BRSK1: variants seen among roughly 807,000 people sequenced by gnomAD.
BRSK1 encodes the protein BR serine/threonine kinase 1.
Under a neutral mutation model 86.2 loss-of-function variants are expected in BRSK1, and 17 were observed. The ratio of observed to expected loss-of-function variants is 0.20; its 90% confidence interval spans 0.14 to 0.30. The LOEUF (loss-of-function observed/expected upper bound fraction) is 0.30. BRSK1 is among the 10% of genes least tolerant of loss of function. The pLI, the probability that BRSK1 is intolerant of heterozygous loss-of-function variation, is 1.00. For missense variants in BRSK1, 719 were observed against 1,071.9 expected, an observed-to-expected ratio of 0.67 and a Z score of 4.60; for synonymous variants, 464 against 440.1, an observed-to-expected ratio of 1.05 and a Z score of -0.68.
chr19:55,302,890 C>G lies in BRSK1; in HGVS notation c.1028+23C>G, dbSNP rs765722079. 6.2e-7 allele frequency: 1 copy of G among 1,600,368 alleles called. No individual in the cohort carries two copies. Among genetic ancestry groups the G allele is most frequent in the Admixed American group, 1.7e-5 (1 of 59,692 alleles). On this transcript the variant is annotated intron_variant, in intron 10 of 18. Coordinates refer to ENST00000309383, the MANE Select transcript of BRSK1 (RefSeq NM_032430.2). This position sits in a 1 kb window ranked among gnomAD's most constrained non-coding sequence, Gnocchi z 6.3. ...GGAGTAAGACCCCAAGACCCCTGCA[C>G]CCGTGTACCCACGTGGGGCGAGCTG... is the stretch of plus-strand genomic sequence containing the variant.
chr19:55,285,829 A>C (rs2088301821), intron 1 of BRSK1, among the ~76,000 whole-genome samples: 1 of 151,962 alleles, frequency 6.6e-6, no homozygotes, highest in African/African-American at 2.4e-5. Flanking sequence ...CGTAACTGGG[A>C]GCTGAGACCC....
Position 55,304,136 on chromosome 19 carries a change from TAAG to T in BRSK1, c.1347+30_1347+32del, listed in dbSNP as rs764955328. On this transcript the variant is annotated intron_variant, in intron 13 of 18. Coordinates refer to ENST00000309383, the MANE Select transcript of BRSK1 (RefSeq NM_032430.2). This position sits in a 1 kb window ranked among gnomAD's most constrained non-coding sequence, Gnocchi z 5.2. ...GTAAGGCCAGGTCCCCAGTGGGATT[TAAG>T]AAGGAGAAAGGGGTGGAGACATGGA... The T allele has an allele frequency of 6.2e-7, 1 of 1,605,204 alleles. No homozygotes were observed. The highest frequency in any genetic ancestry group is 8.5e-7 in the Non-Finnish European group (1 of 1,175,656).
chr19:55,296,613 G>A (rs879778269), intron 7 of BRSK1, among the ~76,000 whole-genome samples: 1 of 152,120 alleles, frequency 6.6e-6, no homozygotes, highest in Non-Finnish European at 1.5e-5. Context: ...TTGGGAGGCC[G>A]AGGTGGGCGG....
chr19:55,298,985 G>C (rs915204758), intron 7 of BRSK1, among the ~76,000 whole-genome samples: 5 of 152,132 alleles, frequency 3.3e-5, no homozygotes, highest in African/African-American at 1.2e-4. Flanking sequence ...TGTAATCCCA[G>C]CACTTTAGGA....
intron 16 of BRSK1, 75 bp downstream of exon 16, chr19:55,305,661 C>T: frequency 6.3e-7 from 1 of 1,598,862 alleles, no homozygotes; most frequent in Non-Finnish European, 8.5e-7. Flanking sequence ...GGCTAACCAC[C>T]TTAGCATAGG....
At chr19:55,289,744 A>G in intron 4 of BRSK1, 124 bp downstream of exon 4, 1 of 1,267,934 alleles carries the variant, frequency 7.9e-7, no homozygotes, top group Non-Finnish European at 1.1e-6. Flanking sequence ...CCATTGAGAC[A>G]TAACTCATAC....
intron 7 of BRSK1, among the ~76,000 whole-genome samples, chr19:55,298,296 C>T (rs1358069705): frequency 4.0e-5 from 5 of 126,366 alleles, no homozygotes; most frequent in Admixed American, 2.1e-4. Context: ...TGATCTTCTT[C>T]GCGGCAACCT....
intron 4 of BRSK1, 27 bp downstream of exon 4, chr19:55,289,647 G>A: frequency 6.2e-7 from 1 of 1,610,916 alleles, no homozygotes; most frequent in African/African-American, 1.3e-5. Context: ...AGGGGGAGGA[G>A]GGGCTGAGGG....
Position 55,306,188 on chromosome 19 carries a change from C to G in BRSK1, c.1891-64C>G. 6.4e-7 allele frequency: 1 copy of G among 1,551,766 alleles called. No homozygotes were observed. Among genetic ancestry groups the G allele is most frequent in the East Asian group, 2.3e-5 (1 of 44,052 alleles). ...GGGACTCGTAGTTCCTTGGCCAGAGCTGGTCGTGGGGCTGGGTATCCATTT... is the reference window on the plus strand; with the variant it reads ...GGGACTCGTAGTTCCTTGGCCAGAGGTGGTCGTGGGGCTGGGTATCCATTT... On this transcript the variant is annotated intron_variant, in intron 16 of 18. Transcript: ENST00000309383. The surrounding 1 kb of genome is among the most constrained non-coding windows in gnomAD (Gnocchi z 4.7).
In BRSK1 at chr19:55,294,169, G is replaced by A. The variant is rs2088450320; in HGVS notation, c.575+36G>A. Reference sequence around the variant, plus strand: ...ACTGGGCTCCCGAGACCCTGGGCAGGGGTTTAGAAGCTGGCTGGAGGCTCA... The same window carrying A: ...ACTGGGCTCCCGAGACCCTGGGCAGAGGTTTAGAAGCTGGCTGGAGGCTCA... On this transcript the variant is annotated intron_variant, in intron 5 of 18. Coordinates refer to ENST00000309383, the MANE Select transcript of BRSK1 (RefSeq NM_032430.2). This position sits in a 1 kb window ranked among gnomAD's most constrained non-coding sequence, Gnocchi z 4.9. 6.2e-7 allele frequency: 1 copy of A among 1,611,386 alleles called. No individual in the cohort carries two copies.
At chr19:55,301,403 G>A (rs527468617) in intron 7 of BRSK1, 109 bp from the exon 8 acceptor site, 2 of 1,358,878 alleles carry the variant, frequency 1.5e-6, no homozygotes, top group African/African-American at 2.9e-5. Context: ...GCCTCTCTGT[G>A]CCTCAGTTTC....
chr19:55,304,788 A>T lies in BRSK1; in HGVS notation c.1585A>T (p.Thr529Ser). The T allele has an allele frequency of 6.4e-7, 1 of 1,562,570 alleles. No individual in the cohort carries two copies. Among genetic ancestry groups the T allele is most frequent in the Admixed American group, 1.9e-5 (1 of 52,482 alleles). The change falls in exon 14 of 19, where the codon ACC (threonine) becomes TCC (serine). Residue 529 changes from threonine (T) to serine (S), a missense_variant. Thr to Ser is a moderately conservative substitution (Grantham distance 58, BLOSUM62 1). Around this residue, in one of 6 missense-constraint regions of BRSK1, gnomAD observed 143 missense variants for 120.1 expected, o/e 1.19. Transcript: ENST00000309383. This position sits in a 1 kb window ranked among gnomAD's most constrained non-coding sequence, Gnocchi z 5.2. Reference protein sequence around the residue: ...SPLHTPRASPTGTPGTTPPPS... With the variant: ...SPLHTPRASPSGTPGTTPPPS... ...TCTGCACACGCCCCGGGCCAGTCCC[A>T]CCGGGACCCCGGGGACAACACCACC...
rs1479825856 is a variant in BRSK1 at position 55,284,243 on chromosome 19, C to G, written c.-200C>G. The G allele has an allele frequency of 3.5e-5, 17 of 488,480 alleles. No homozygotes were observed. In the East Asian group the frequency reaches 5.6e-4, roughly 16 times the overall value. 30.3% of individuals were successfully genotyped at this position (488,480 alleles called of 1,614,324 possible). A position where few individuals can be genotyped will look rare whatever the true frequency, so the allele number is the denominator to read the frequency against. On this transcript the variant is annotated 5_prime_UTR_variant, in exon 1 of 19. Transcript: ENST00000309383. ...CCATGCTGACTCCCGGGGCCTGACC[C>G]CCCCGGGCCAGCCCCCCCTCCCCCA...
intron 7 of BRSK1, among the ~76,000 whole-genome samples, chr19:55,296,464 A>G (rs1454327286): frequency 6.6e-6 from 1 of 151,920 alleles, no homozygotes; most frequent in Non-Finnish European, 1.5e-5. Flanking sequence ...TTGGGAGGCC[A>G]AGGTGGGAGG....
chr19:55,290,743 G>A (rs549989877), intron 4 of BRSK1, among the ~76,000 whole-genome samples: 1 of 151,876 alleles, frequency 6.6e-6, no homozygotes, highest in East Asian at 1.9e-4. Flanking sequence ...CCGGGTTCAC[G>A]CCATTCTCCT....
Position 55,304,812 on chromosome 19 carries a change from C to T in BRSK1, c.1609C>T (p.Pro537Ser), listed in dbSNP as rs1265571997. Residue 537 changes from proline (P) to serine (S), a missense_variant, in exon 14 of 19, where the codon CCC becomes TCC. By Grantham distance (74) the Pro-to-Ser change is moderately conservative. Coordinates refer to ENST00000309383, the MANE Select transcript of BRSK1 (RefSeq NM_032430.2). The surrounding 1 kb of genome is among the most constrained non-coding windows in gnomAD (Gnocchi z 5.2). The part of the protein sequence containing the change: ...SPTGTPGTTP[P>S]PSPGGGVGGA... ...CACCGGGACCCCGGGGACAACACCA[C>T]CCCCCAGCCCCGGCGGTGGCGTCGG... The T allele has an allele frequency of 1.3e-6, 2 of 1,574,996 alleles. No individual in the cohort carries two copies. Among genetic ancestry groups the T allele is most frequent in the Non-Finnish European group, 1.7e-6 (2 of 1,164,056 alleles).
rs761261386 is a variant in BRSK1 at position 55,304,946 on chromosome 19, C to G, written c.1717+26C>G. On this transcript the variant is annotated intron_variant, in intron 14 of 18. Transcript: ENST00000309383. The surrounding 1 kb of genome is among the most constrained non-coding windows in gnomAD (Gnocchi z 5.2). ...GTATGGGGGCATGAACTGCCGAGTC[C>G]TAATGTGGGGAGAGGTTGGGGCTAA... 1.2e-6 allele frequency: 2 copies of G among 1,601,402 alleles called. No individual in the cohort carries two copies. Among genetic ancestry groups the G allele is most frequent in the South Asian group, 2.2e-5 (2 of 90,802 alleles).
In BRSK1 at chr19:55,302,910, G is replaced by A. The variant is rs754501327; in HGVS notation, c.1028+43G>A. Reference sequence around the variant, plus strand: ...CTGCACCCGTGTACCCACGTGGGGCGAGCTGCAGCAGCTCCCTGCGCACAT... The same window carrying A: ...CTGCACCCGTGTACCCACGTGGGGCAAGCTGCAGCAGCTCCCTGCGCACAT... On this transcript the variant is annotated intron_variant, in intron 10 of 18. Transcript: ENST00000309383. The surrounding 1 kb of genome is among the most constrained non-coding windows in gnomAD (Gnocchi z 6.3). 21 of 1,585,948 alleles carry A rather than the reference G, an allele frequency of 1.3e-5. No individual in the cohort carries two copies. Among genetic ancestry groups the A allele is most frequent in the Non-Finnish European group, 1.7e-5 (20 of 1,161,084 alleles).
At position 55,302,053 on chromosome 19, in the gene BRSK1, C is replaced by A; in HGVS notation, c.826-84C>A. ...GTGGGCGGGGAGATGATCAGGGACCCCAAAACCACCCCAGTCTTTCATTGC... is the reference window on the plus strand; with the variant it reads ...GTGGGCGGGGAGATGATCAGGGACCACAAAACCACCCCAGTCTTTCATTGC... On this transcript the variant is annotated intron_variant, in intron 8 of 18. Transcript: ENST00000309383. The surrounding 1 kb of genome is among the most constrained non-coding windows in gnomAD (Gnocchi z 6.3). 6.5e-7 allele frequency: 1 copy of A among 1,535,398 alleles called. No individual in the cohort carries two copies. The highest frequency in any genetic ancestry group is 1.1e-5 in the South Asian group (1 of 89,452).
Sources: allele counts gnomAD v4.1 joint callset (sites outside exome capture counted in the v4.1 genomes callset), GRCh38; gene constraint gnomAD v4.1.1; regional missense constraint gnomAD v4.1.1; non-coding constraint Gnocchi (gnomAD v3.1); transcripts MANE v1.5; gene names NCBI Gene and HGNC (gene_info 2026-07-23, HGNC 2026-07-21).